Variants in DACH1 observed in about 807,000 individuals in gnomAD.
DACH1 encodes dachshund family transcription factor 1.
In DACH1, 12 loss-of-function variants were observed where a neutral mutation model predicts 54.2. The ratio of observed to expected loss-of-function variants is 0.22; its 90% confidence interval spans 0.14 to 0.36. The LOEUF (loss-of-function observed/expected upper bound fraction) is 0.36, where lower values mean the gene tolerates loss of function less well. Among genes scored for constraint, DACH1 ranks in the 10% least tolerant of loss-of-function variants. The pLI is 1.00. For synonymous variants in DACH1, 386 were observed against 366.2 expected (o/e 1.05, Z -0.62); for missense variants, 805 against 929.8 (o/e 0.87, Z 1.75).
chr13:71,590,397 G>C (rs1200084866), intron 3 of DACH1, among the ~76,000 whole-genome samples: 1 of 152,102 alleles, frequency 6.6e-6, no homozygotes, highest in Non-Finnish European at 1.5e-5. Context: ...GGAATTCTTT[G>C]CATATTCAAC....
intron 1 of DACH1, among the ~76,000 whole-genome samples, chr13:71,803,742 G>T (rs2138131606): frequency 6.6e-6 from 1 of 152,204 alleles, no homozygotes; most frequent in Admixed American, 6.5e-5. Flanking sequence ...AGCTCACAAA[G>T]AAATAGTAAG....
At chr13:71,614,182 G>T (rs908354873) in intron 3 of DACH1, among the ~76,000 whole-genome samples, 2 of 152,118 alleles carry the variant, frequency 1.3e-5, no homozygotes, top group Non-Finnish European at 2.9e-5. Flanking sequence ...TCATGGAGGG[G>T]AGAGTATATT....
intron 4 of DACH1, among the ~76,000 whole-genome samples, chr13:71,563,330 T>A (rs1884708059): frequency 6.6e-6 from 1 of 151,994 alleles, no homozygotes; most frequent in Non-Finnish European, 1.5e-5. Flanking sequence ...TTGAAATAAA[T>A]CAGTCTCTCT....
intron 1 of DACH1, among the ~76,000 whole-genome samples, chr13:71,801,601 C>T (rs1458503358): frequency 2.0e-5 from 3 of 152,046 alleles, no homozygotes; most frequent in Non-Finnish European, 4.4e-5. Context: ...AAGTTTGAAA[C>T]GCATTAATTG....
intron 6 of DACH1, among the ~76,000 whole-genome samples, chr13:71,531,589 G>C (rs1593845626): frequency 1.3e-5 from 2 of 151,910 alleles, no homozygotes; most frequent in South Asian, 4.1e-4. Flanking sequence ...AATGAACTCA[G>C]AAATAGGACT....
chr13:71,731,204 A>T (rs1883724702), intron 1 of DACH1, among the ~76,000 whole-genome samples: 1 of 151,976 alleles, frequency 6.6e-6, no homozygotes. Flanking sequence ...CAAGATTCTA[A>T]TGTTGAGTCT....
chr13:71,678,606 C>G (rs9572766), intron 2 of DACH1, among the ~76,000 whole-genome samples: 11,012 of 151,784 alleles, frequency 0.073, 726 homozygotes, highest in East Asian at 0.2. Context: ...CCCTCCCTCC[C>G]TCCCTTCTTC....
intron 10 of DACH1, among the ~76,000 whole-genome samples, chr13:71,445,105 C>T (rs1176799128): frequency 6.6e-6 from 1 of 152,110 alleles, no homozygotes; most frequent in Non-Finnish European, 1.5e-5. Flanking sequence ...GCAGCTGCCT[C>T]TTTCTGCCAG....
At chr13:71,771,693 C>A (rs1303351453) in intron 1 of DACH1, among the ~76,000 whole-genome samples, 1 of 151,344 alleles carries the variant, frequency 6.6e-6, no homozygotes, top group South Asian at 2.1e-4. Flanking sequence ...AAATGTTAAA[C>A]ATTTTTATGG....
Position 71,866,476 on chromosome 13 carries a change from G to A in DACH1, c.294C>T (p.Gly98=), listed in dbSNP as rs1368083271. ...TGGGGTTGCAGTTGCTGCCACCGCCGCCGCCGCCACCGCCGCCTCCGTTGC... is the reference window on the plus strand; with the variant it reads ...TGGGGTTGCAGTTGCTGCCACCGCCACCGCCGCCACCGCCGCCTCCGTTGC... ...SSGNGGGGGG[G]GGGSNCNPNL... is the part of the protein sequence containing the mutation. Residue 98 remains glycine, a synonymous_variant, in exon 1 of 11, where the codon GGC becomes GGT. Coordinates refer to ENST00000613252, the MANE Select transcript of DACH1 (RefSeq NM_080759.6). 6.3e-6 allele frequency: 8 copies of A among 1,268,754 alleles called. No homozygotes were observed. The highest frequency in any genetic ancestry group is 5.8e-5 in the South Asian group (2 of 34,618). 78.6% of individuals were successfully genotyped at this position (1,268,754 alleles called of 1,614,324 possible). A position where few individuals can be genotyped will look rare whatever the true frequency, so the allele number is the denominator to read the frequency against.
intron 10 of DACH1, among the ~76,000 whole-genome samples, chr13:71,446,512 G>C (rs1874480595): frequency 6.6e-6 from 1 of 152,086 alleles, no homozygotes; most frequent in African/African-American, 2.4e-5. Flanking sequence ...TTACAAATAA[G>C]GCTATTAAGG....
chr13:71,450,734 C>T (rs565086800), intron 10 of DACH1, among the ~76,000 whole-genome samples: 4 of 152,164 alleles, frequency 2.6e-5, no homozygotes, highest in South Asian at 4.1e-4. Flanking sequence ...CTCTAGTGGA[C>T]GCACAAATAA....
intron 10 of DACH1, among the ~76,000 whole-genome samples, chr13:71,467,249 A>G (rs913729952): frequency 1.1e-4 from 17 of 149,850 alleles, no homozygotes; most frequent in African/African-American, 3.7e-4. Flanking sequence ...TTTAAAATAT[A>G]TTTTTAAAAG....
chr13:71,534,554 C>A lies in DACH1; in HGVS notation c.1570+22470G>T, dbSNP rs181951341. ...AGAACTTTTAGTTTTTAAGAGTAGA[C>A]AATGTTTTGATGATGCCCAAAGTGA... is the stretch of plus-strand genomic sequence containing the variant. On this transcript the variant is annotated intron_variant, in intron 6 of 10. Transcript: ENST00000613252. Among the ~76,000 whole-genome samples the A allele has an allele frequency of 1.7e-3, 261 of 151,538 alleles. 1 individual carries two copies. The highest frequency in any genetic ancestry group is 0.01 in the South Asian group (50 of 4,800).
chr13:71,526,847 C>T (rs1246007782), intron 6 of DACH1, among the ~76,000 whole-genome samples: 1 of 151,760 alleles, frequency 6.6e-6, no homozygotes, highest in East Asian at 1.9e-4. Context: ...TATTGTTAGA[C>T]ATTTAAGACT....
rs534741506 is a variant in DACH1 at position 71,453,641 on chromosome 13, C to G, written c.2084-12949G>C. 1.1e-4 allele frequency among the ~76,000 whole-genome samples: 16 copies of G among 152,194 alleles called. No homozygotes were observed. The East Asian group carries it at 2.5e-3, about 24-fold the overall frequency. The stretch of plus-strand genomic sequence containing the variant: ...ATTTTCTACTTTTTTTCTATTTTCT[C>G]CAACATGACTAATTTGTTACTTTTA... On this transcript the variant is annotated intron_variant, in intron 10 of 10. Transcript: ENST00000613252.
chr13:71,816,709 C>T (rs916314364), intron 1 of DACH1, among the ~76,000 whole-genome samples: 3 of 150,782 alleles, frequency 2.0e-5, no homozygotes, highest in Non-Finnish European at 4.4e-5. Context: ...TATATACACA[C>T]ACCATAGAAT....
At chr13:71,485,201 C>T (rs922196831) in intron 7 of DACH1, among the ~76,000 whole-genome samples, 1 of 151,666 alleles carries the variant, frequency 6.6e-6, no homozygotes, top group Non-Finnish European at 1.5e-5. Context: ...AGGTTGTTCT[C>T]CATGGACAGG....
At chr13:71,818,677 T>A (rs763461156) in intron 1 of DACH1, among the ~76,000 whole-genome samples, 9 of 152,320 alleles carry the variant, frequency 5.9e-5, no homozygotes, top group Non-Finnish European at 1.0e-4. Flanking sequence ...TCGTAGCTAA[T>A]ATTCACCACT....
Sources: gnomAD v4.1 joint callset for allele counts (sites outside exome capture counted in the v4.1 genomes callset) on GRCh38, gnomAD v4.1.1 for gene constraint, MANE v1.5 for transcripts, NCBI Gene and HGNC (gene_info 2026-07-23, HGNC 2026-07-21) for gene names.